ADA: variants seen among roughly 807,000 people sequenced by gnomAD.
The protein encoded by ADA is adenosine deaminase.
A neutral mutation model predicts 49.0 loss-of-function variants in ADA; 45 were observed. The observed-to-expected ratio is 0.92, with a 90% CI of 0.72 to 1.18. The LOEUF is 1.18. Ranked by LOEUF, ADA falls within the 50% of genes most tolerant of loss-of-function variation. The pLI, the probability that ADA is intolerant of heterozygous loss-of-function variation, is 0.00. For synonymous variants in ADA, 173 were observed against 184.2 expected (o/e 0.94, Z 0.49); for missense variants, 445 against 472.5 (o/e 0.94, Z 0.54).
chr20:44,645,482 C>T (rs983081320), intron 1 of ADA, among the ~76,000 whole-genome samples: 1 of 151,966 alleles, frequency 6.6e-6, no homozygotes, highest in Non-Finnish European at 1.5e-5. Flanking sequence ...ATTAGCCAGG[C>T]ATGGTGGCGC....
intron 1 of ADA, among the ~76,000 whole-genome samples, chr20:44,637,839 G>A (rs2065494495): frequency 6.6e-6 from 1 of 152,206 alleles, no homozygotes; most frequent in Non-Finnish European, 1.5e-5. Context: ...GGCCAACTTA[G>A]TTGTTGAATT....
rs566342975 is a variant in ADA, at chr20:44,635,977, A to G, written c.95+250T>C. On this transcript the variant is annotated intron_variant, in intron 2 of 11. Transcript: ENST00000372874. ...GTGGGTGGGTGGGGAGAGCAGGCTC[A>G]GGCCTGGCTCACCTGACACCAGGAG... 7.5e-5 allele frequency: 41 copies of G among 543,446 alleles called. No individual in the cohort carries two copies. In the African/African-American group the frequency reaches 7.6e-4, roughly 10 times the overall value. 33.7% of individuals were successfully genotyped at this position (543,446 alleles called of 1,614,324 possible). A position where few individuals can be genotyped will look rare whatever the true frequency, so the allele number is the denominator to read the frequency against.
At chr20:44,642,626 G>C (rs1458859109) in intron 1 of ADA, among the ~76,000 whole-genome samples, 4 of 152,162 alleles carry the variant, frequency 2.6e-5, no homozygotes, top group Admixed American at 2.0e-4. Context: ...GGAGATTGCA[G>C]AGGCCGAAGC....
At chr20:44,636,170 G>A (rs2065477873) in intron 2 of ADA, 57 bp downstream of exon 2, 9 of 1,469,870 alleles carry the variant, frequency 6.1e-6, no homozygotes, top group East Asian at 2.3e-5. Context: ...GCCTCTGGGT[G>A]GAGCTGGGGA....
chr20:44,641,420 C>G (rs926090517), intron 1 of ADA, among the ~76,000 whole-genome samples: 1 of 152,152 alleles, frequency 6.6e-6, no homozygotes, highest in Non-Finnish European at 1.5e-5. Flanking sequence ...TTAGACTACT[C>G]TTTCACAATT....
chr20:44,640,274 C>G (rs1243814316), intron 1 of ADA, among the ~76,000 whole-genome samples: 1 of 151,800 alleles, frequency 6.6e-6, no homozygotes, highest in African/African-American at 2.4e-5. Context: ...ATCAGCCAGG[C>G]ATGGTGGCAT....
intron 1 of ADA, among the ~76,000 whole-genome samples, chr20:44,646,125 GTC>G (rs1032293189): frequency 5.9e-5 from 9 of 152,182 alleles, no homozygotes; most frequent in African/African-American, 2.2e-4. Context: ...AGGTGGACAA[GTC>G]TCTCCTGGAT....
At chr20:44,621,176 G>A (rs199858974) in intron 9 of ADA, 29 bp from the exon 10 acceptor site, 1 of 1,613,938 alleles carries the variant, frequency 6.2e-7, no homozygotes, top group Non-Finnish European at 8.5e-7. Context: ...GAGAGAATCA[G>A]CCTCCTTTTA....
intron 2 of ADA, among the ~76,000 whole-genome samples, chr20:44,629,691 G>A (rs1247382333): frequency 6.6e-6 from 1 of 152,184 alleles, no homozygotes; most frequent in Non-Finnish European, 1.5e-5. Context: ...CCAGCGCACT[G>A]GGAGAGGGCC....
chr20:44,638,571 G>A (rs1434503515), intron 1 of ADA, among the ~76,000 whole-genome samples: 2 of 152,064 alleles, frequency 1.3e-5, no homozygotes, highest in African/African-American at 4.8e-5. Flanking sequence ...GAGCGAAACT[G>A]CATCTCAAAA....
At chr20:44,632,479 G>A (rs933314031) in intron 2 of ADA, among the ~76,000 whole-genome samples, 1 of 152,154 alleles carries the variant, frequency 6.6e-6, no homozygotes, top group Non-Finnish European at 1.5e-5. Context: ...GAGAGCTAAT[G>A]TGGGGGCCCG....
Position 44,651,635 on chromosome 20 carries a change from C to A in ADA, c.-28G>T. ...TGCCCTCGTGCGCCCCGGCGCTGCT[C>A]CCTCCGCCGCCGCTCGGTGGGTCTC... On this transcript the variant is annotated 5_prime_UTR_variant, in exon 1 of 12. Coordinates refer to ENST00000372874, the MANE Select transcript of ADA (RefSeq NM_000022.4). 1 of 1,504,794 alleles carries A rather than the reference C, an allele frequency of 6.6e-7. No homozygotes were observed. Among genetic ancestry groups the A allele is most frequent in the South Asian group, 1.2e-5 (1 of 81,308 alleles). The allele number at this position is 1,504,794 out of a possible 1,614,324, so 93.2% of individuals were successfully genotyped here. A position where few individuals can be genotyped will look rare whatever the true frequency, so the allele number is the denominator to read the frequency against.
chr20:44,634,567 T>C (rs1208734122), intron 2 of ADA, among the ~76,000 whole-genome samples: 1 of 152,202 alleles, frequency 6.6e-6, no homozygotes, highest in Admixed American at 6.5e-5. Flanking sequence ...ATCTTACAAA[T>C]TGTTGTGAGG....
intron 5 of ADA, among the ~76,000 whole-genome samples, chr20:44,625,269 G>A (rs2065371147): frequency 6.6e-6 from 1 of 152,190 alleles, no homozygotes; most frequent in Non-Finnish European, 1.5e-5. Context: ...GAGGACTATG[G>A]GCTGATCAGA....
chr20:44,651,295 C>T (rs970077167), intron 1 of ADA, among the ~76,000 whole-genome samples: 2 of 152,218 alleles, frequency 1.3e-5, no homozygotes, highest in Non-Finnish European at 2.9e-5. Context: ...CAGCGCTCAG[C>T]GGTGCTAGGA....
intron 1 of ADA, among the ~76,000 whole-genome samples, chr20:44,646,722 C>A (rs1239458719): frequency 6.6e-6 from 1 of 152,034 alleles, no homozygotes; most frequent in Non-Finnish European, 1.5e-5. Context: ...GGAATTCAAC[C>A]CCAGTACATC....
intron 1 of ADA, among the ~76,000 whole-genome samples, chr20:44,644,631 CTT>C (rs1481401699): frequency 1.3e-5 from 2 of 152,234 alleles, no homozygotes; most frequent in African/African-American, 2.4e-5. Flanking sequence ...GGGTCAGTGA[CTT>C]ATGCCACTAT....
Position 44,626,112 on chromosome 20 carries a change from ACCTTTAG to A in ADA, c.362+337_362+343del, listed in dbSNP as rs1158845475. ...ACTTCAGTTATGAAGTTAGAGCAGG[ACCTTTAG>A]GGCCTTTAGAGATCTGATCAGCATC... On this transcript the variant is annotated intron_variant, in intron 4 of 11. Coordinates refer to ENST00000372874, the MANE Select transcript of ADA (RefSeq NM_000022.4). Among the ~76,000 whole-genome samples, 33 of 152,252 alleles carry A rather than the reference ACCTTTAG, an allele frequency of 2.2e-4. No individual in the cohort carries two copies. The East Asian group carries it at 6.2e-3, about 29-fold the overall frequency.
chr20:44,643,322 A>G (rs182722518), intron 1 of ADA, among the ~76,000 whole-genome samples: 1 of 152,244 alleles, frequency 6.6e-6, no homozygotes, highest in African/African-American at 2.4e-5. Context: ...CAAAACAGTC[A>G]GTGATGGAGT....
Sources: allele counts gnomAD v4.1 joint callset (sites outside exome capture counted in the v4.1 genomes callset), GRCh38; gene constraint gnomAD v4.1.1; transcripts MANE v1.5; gene names NCBI Gene and HGNC (gene_info 2026-07-23, HGNC 2026-07-21).